Variants in PDE4DIP observed in about 807,000 individuals in gnomAD.
The protein encoded by PDE4DIP is myomegalin.
PDE4DIP carries 59 observed loss-of-function variants against 221.4 expected under a neutral mutation model. The ratio of observed to expected loss-of-function variants is 0.27; its 90% CI spans 0.22 to 0.33. PDE4DIP has a LOEUF of 0.33. Ranked by LOEUF, PDE4DIP falls within the 10% of genes least tolerant of loss-of-function variation. The probability of loss-of-function intolerance (pLI) is 1.00; values close to 1 mark genes in which losing one functional copy is unlikely to be tolerated. For synonymous variants in PDE4DIP, 404 were observed against 815.9 expected (o/e 0.50, Z 8.60); for missense variants, 1,036 against 2,154.2 (o/e 0.48, Z 10.28).
intron 1 of PDE4DIP, among the ~76,000 whole-genome samples, chr1:148,919,558 C>G (rs1416201455): frequency 1.3e-5 from 2 of 151,832 alleles, no homozygotes; most frequent in African/African-American, 4.9e-5. Context: ...GTGCTTCTCC[C>G]TGTTTTATAG....
Position 148,944,740 on chromosome 1 carries a change from G to A in PDE4DIP, c.636+6876G>A, listed in dbSNP as rs587600139. Among the ~76,000 whole-genome samples, 7 of 151,440 alleles carry A rather than the reference G, an allele frequency of 4.6e-5. No individual in the cohort carries two copies. In the East Asian group the frequency reaches 9.8e-4, roughly 21 times the overall value. On this transcript the variant is annotated intron_variant, in intron 5 of 43. Transcript: ENST00000369354. ...ACAAAAATTAGCCAGGTGTGGTGAC[G>A]CGTGCCTGTAATCCCAGCTACTGGG... is the stretch of plus-strand genomic sequence containing the variant.
chr1:149,030,008 G>A (rs2076268079), intron 42 of PDE4DIP, 83 bp downstream of exon 45: 1 of 594,216 alleles, frequency 1.7e-6, no homozygotes, highest in East Asian at 3.1e-5. Context: ...CAGTGACCAG[G>A]GGGGCTTGGG....
intron 1 of PDE4DIP, among the ~76,000 whole-genome samples, chr1:148,820,163 A>G (rs2762766): frequency 1.2e-5 from 1 of 80,332 alleles, no homozygotes; most frequent in African/African-American, 5.2e-5. Flanking sequence ...TCCTGACCTC[A>G]TGATCCGCCC....
At chr1:148,990,369 G>T in intron 21 of PDE4DIP, 1 of 985,014 alleles carries the variant, frequency 1.0e-6, no homozygotes, top group Non-Finnish European at 1.2e-6. Flanking sequence ...ATTTGTCTCC[G>T]TCGAATTCCT....
chr1:148,941,864 C>A (rs1553480078), intron 5 of PDE4DIP: 1 of 149,418 alleles, frequency 6.7e-6, no homozygotes, highest in Non-Finnish European at 1.5e-5. Flanking sequence ...AGAAGAAAGA[C>A]CCTTACAATG....
At position 148,992,379 on chromosome 1, in the gene PDE4DIP, G is replaced by A. The variant is rs372772472; in HGVS notation, c.2904+406G>A. The A allele has an allele frequency of 2.5e-4, 368 of 1,494,022 alleles. 2 individuals carry two copies. The African/African-American group carries it at 2.6e-3, about 11-fold the overall frequency. The allele number at this position is 1,494,022 out of a possible 1,614,324, so 92.5% of individuals were successfully genotyped here. A position where few individuals can be genotyped will look rare whatever the true frequency, so the allele number is the denominator to read the frequency against. On this transcript the variant is annotated intron_variant, in intron 22 of 43. Transcript: ENST00000369354. ...GGGCTGCTCGGGGAGGTGGCAGGGC[G>A]GAGGACCTGCTTGGGAAGAAACTCC...
chr1:149,011,116 C>G (rs1553605063), intron 31 of PDE4DIP, among the ~76,000 whole-genome samples: 1 of 151,998 alleles, frequency 6.6e-6, no homozygotes, highest in Non-Finnish European at 1.5e-5. Context: ...GTACATAGTG[C>G]ATATCTTGGG....
exon 34 of PDE4DIP, chr1:149,017,799 G>C: frequency 6.2e-7 from 1 of 1,609,610 alleles, no homozygotes; most frequent in Non-Finnish European, 8.5e-7. Flanking sequence ...CTGCGCCAGC[G>C]CCTGGAGGAA....
At chr1:148,976,873 TC>T (rs1160120962) in intron 17 of PDE4DIP, among the ~76,000 whole-genome samples, 1 of 151,872 alleles carries the variant, frequency 6.6e-6, no homozygotes, top group Non-Finnish European at 1.5e-5. Context: ...AGTCTGGTGT[TC>T]CTGGAACAGA....
chr1:148,969,177 A>G (rs2058721672), intron 14 of PDE4DIP, 147 bp downstream of exon 17: 3 of 550,298 alleles, frequency 5.5e-6, no homozygotes, highest in Non-Finnish European at 6.5e-6. Flanking sequence ...TATTACCTAA[A>G]CCACAGTTTT....
intron 1 of PDE4DIP, among the ~76,000 whole-genome samples, chr1:148,905,270 G>GCCTC (rs2041531986): frequency 9.0e-6 from 1 of 111,684 alleles, no homozygotes; most frequent in Non-Finnish European, 1.7e-5. Context: ...TACAAGCTCC[G>GCCTC]CCTCCCGGGT....
At chr1:149,022,678 G>C (rs2073407950) in intron 37 of PDE4DIP, among the ~76,000 whole-genome samples, 1 of 151,504 alleles carries the variant, frequency 6.6e-6, no homozygotes, top group South Asian at 2.1e-4. Context: ...TGGTGGAGCA[G>C]AGTCACCAAA....
At chr1:148,905,297 C>T (rs1181254991) in intron 1 of PDE4DIP, among the ~76,000 whole-genome samples, 1 of 106,148 alleles carries the variant, frequency 9.4e-6, no homozygotes, top group Non-Finnish European at 1.9e-5. Context: ...CATTCTCCTG[C>T]CTCAGCCTCC....
intron 26 of PDE4DIP, among the ~76,000 whole-genome samples, chr1:149,004,107 C>T (rs1403093130): frequency 3.9e-5 from 6 of 152,132 alleles, no homozygotes; most frequent in Non-Finnish European, 8.8e-5. Flanking sequence ...AAAACACAAT[C>T]TCTCTCATTC....
rs1307878643 is a variant in PDE4DIP, at chr1:149,016,976, G to T, written c.5518+426G>T. Among the ~76,000 whole-genome samples the T allele has an allele frequency of 4.6e-5, 7 of 152,352 alleles. No individual in the cohort carries two copies. In the South Asian group the frequency reaches 1.2e-3, roughly 27 times the overall value. ...TGTGCACAAAATTCAGTCACAGCAA[G>T]TGGAGAGGTATAGCTAAGCTCATAA... On this transcript the variant is annotated intron_variant, in intron 33 of 43. Coordinates refer to ENST00000369354, the Ensembl canonical transcript of PDE4DIP.
At chr1:148,971,313 A>T (rs1360650260) in intron 14 of PDE4DIP, among the ~76,000 whole-genome samples, 1 of 150,844 alleles carries the variant, frequency 6.6e-6, no homozygotes, top group Non-Finnish European at 1.5e-5. Flanking sequence ...TGCCTTTAGG[A>T]AACTTACATT....
exon 20 of PDE4DIP, chr1:148,979,758 C>T: frequency 6.2e-7 from 1 of 1,613,370 alleles, no homozygotes; most frequent in Non-Finnish European, 8.5e-7. Context: ...GCTAGAAGGA[C>T]TAGTAGATGA....
intron 21 of PDE4DIP, chr1:148,985,208 G>A (rs1314735558): frequency 1.3e-5 from 2 of 151,992 alleles, no homozygotes; most frequent in African/African-American, 4.8e-5. Flanking sequence ...TTTTCTCTTT[G>A]GTAGTGTGGA....
chr1:148,890,192 T>TGGG (rs1697887103), intron 1 of PDE4DIP, among the ~76,000 whole-genome samples: 416 of 52,654 alleles, frequency 7.9e-3, no homozygotes, highest in South Asian at 0.022. Flanking sequence ...GGAGCTGGTT[T>TGGG]AAAATGTAGA....
Sources: allele counts gnomAD v4.1 joint callset (sites outside exome capture counted in the v4.1 genomes callset), GRCh38; gene constraint gnomAD v4.1.1; transcripts MANE v1.5; gene names NCBI Gene and HGNC (gene_info 2026-07-23, HGNC 2026-07-21).